Variants in INTS14 observed in about 807,000 individuals in gnomAD.
INTS14 encodes UPF0464 protein C15orf44.
A neutral mutation model predicts 56.9 loss-of-function variants in INTS14; 27 were observed. That is an observed-to-expected ratio of 0.47 (90% CI 0.35 to 0.65). The LOEUF (loss-of-function observed/expected upper bound fraction) is 0.65, where lower values mean the gene tolerates loss of function less well. Among genes scored for constraint, INTS14 ranks in the 30% least tolerant of loss-of-function variants. INTS14 has a pLI of 0.00. For synonymous variants in INTS14, 207 were observed against 236.2 expected (o/e 0.88, Z 1.13); for missense variants, 517 against 632.2 (o/e 0.82, Z 1.95).
chr15:65,583,742 A>T (rs2072715141), intron 10 of INTS14, among the ~76,000 whole-genome samples: 2 of 152,208 alleles, frequency 1.3e-5, no homozygotes, highest in Non-Finnish European at 2.9e-5. Flanking sequence ...AACAAAAAAA[A>T]TTAAAAAAAA....
chr15:65,598,568 A>G (rs1231733626), intron 5 of INTS14, 105 bp from the exon 6 acceptor site: 3 of 1,186,116 alleles, frequency 2.5e-6, no homozygotes, highest in Non-Finnish European at 3.5e-6. Flanking sequence ...TTCCAAAACT[A>G]AGATCTGACC....
chr15:65,598,536 G>C, intron 5 of INTS14, 73 bp from the exon 6 acceptor site: 1 of 1,453,332 alleles, frequency 6.9e-7, no homozygotes, highest in Non-Finnish European at 9.3e-7. Flanking sequence ...AGGACGCAAG[G>C]GTTGTTTTCC....
chr15:65,596,238 C>T (rs2073207286), intron 6 of INTS14, among the ~76,000 whole-genome samples: 1 of 152,156 alleles, frequency 6.6e-6, no homozygotes, highest in Non-Finnish European at 1.5e-5. Flanking sequence ...TGAGAAAGAA[C>T]TGTATTCTCT....
chr15:65,591,810 T>C lies in INTS14; in HGVS notation c.987-79A>G, dbSNP rs74021144. 4.9e-5 allele frequency: 74 copies of C among 1,501,914 alleles called. 1 individual carries two copies. In the Middle Eastern group the frequency reaches 7.1e-4, roughly 14 times the overall value. 93.0% of individuals were successfully genotyped at this position (1,501,914 alleles called of 1,614,324 possible). On this transcript the variant is annotated intron_variant, in intron 8 of 11. Coordinates refer to ENST00000313182, the MANE Select transcript of INTS14 (RefSeq NM_001394796.1). Reference sequence around the variant, plus strand: ...GTTAAATAAGTCTAGCCTGTATTTTTCTCTTGAGAGACACAGGCTTCAGCT... The same window carrying C: ...GTTAAATAAGTCTAGCCTGTATTTTCCTCTTGAGAGACACAGGCTTCAGCT...
chr15:65,599,726 G>C, intron 4 of INTS14, 48 bp downstream of exon 4: 1 of 1,593,674 alleles, frequency 6.3e-7, no homozygotes, highest in Non-Finnish European at 8.6e-7. Flanking sequence ...AATAAACTAA[G>C]CTGTAAAATA....
intron 9 of INTS14, among the ~76,000 whole-genome samples, chr15:65,587,246 T>C (rs1162565654): frequency 6.6e-6 from 1 of 151,768 alleles, no homozygotes; most frequent in African/African-American, 2.4e-5. Context: ...GAACAGGAGA[T>C]CCATAGGAGA....
At chr15:65,591,776 G>T in intron 8 of INTS14, 45 bp from the exon 9 acceptor site, 1 of 1,601,922 alleles carries the variant, frequency 6.2e-7, no homozygotes, top group Non-Finnish European at 8.5e-7. Context: ...TCAAGCCTGA[G>T]ACTGTCAAGT....
At chr15:65,584,253 C>T (rs2072736921) in intron 10 of INTS14, among the ~76,000 whole-genome samples, 1 of 152,084 alleles carries the variant, frequency 6.6e-6, no homozygotes, top group African/African-American at 2.4e-5. Flanking sequence ...AAATGTAATG[C>T]TATGGCTTGA....
chr15:65,598,909 C>T lies in INTS14; in HGVS notation c.568G>A (p.Gly190Ser). ...NGEGQIFTIDGPLCLKNVQSM... is the reference protein window; with the variant it reads ...NGEGQIFTIDSPLCLKNVQSM... ...TGTACATTCTTCAAGCACAGGGGGCCATCAATAGTAAAAATCTGCCCTTCA... is the reference window on the plus strand; with the variant it reads ...TGTACATTCTTCAAGCACAGGGGGCTATCAATAGTAAAAATCTGCCCTTCA... The change falls in exon 5 of 12, where the codon GGC becomes AGC. Residue 190 changes from glycine to serine, a missense_variant. Coordinates refer to ENST00000313182, the MANE Select transcript of INTS14 (RefSeq NM_001394796.1). 1 of 1,613,916 alleles carries T rather than the reference C, an allele frequency of 6.2e-7. No individual in the cohort carries two copies. Among genetic ancestry groups the T allele is most frequent in the Non-Finnish European group, 8.5e-7 (1 of 1,179,902 alleles).
intron 9 of INTS14, among the ~76,000 whole-genome samples, chr15:65,585,096 T>C (rs2072769122): frequency 6.6e-6 from 1 of 152,146 alleles, no homozygotes; most frequent in African/African-American, 2.4e-5. Context: ...GAAAAACAGC[T>C]TAATGTTTTT....
intron 3 of INTS14, among the ~76,000 whole-genome samples, chr15:65,602,328 C>G (rs2141312382): frequency 6.7e-6 from 1 of 150,042 alleles, no homozygotes; most frequent in South Asian, 2.1e-4. Context: ...CTCTGTTGCC[C>G]AGACTGGAGT....
intron 1 of INTS14, among the ~76,000 whole-genome samples, chr15:65,609,045 G>A (rs1194960253): frequency 1.3e-5 from 2 of 152,138 alleles, no homozygotes; most frequent in Non-Finnish European, 2.9e-5. Flanking sequence ...CTACAGGCGC[G>A]AGTAGCCAGG....
intron 6 of INTS14, among the ~76,000 whole-genome samples, chr15:65,597,774 T>C (rs1040657629): frequency 6.6e-6 from 1 of 152,200 alleles, no homozygotes; most frequent in African/African-American, 2.4e-5. Context: ...AAGTTCAGTA[T>C]GTCTATTAAG....
At chr15:65,588,863 C>T (rs904176845) in intron 9 of INTS14, among the ~76,000 whole-genome samples, 4 of 152,038 alleles carry the variant, frequency 2.6e-5, no homozygotes, top group African/African-American at 9.7e-5. Flanking sequence ...ATTCCAATTC[C>T]AAGACTGCTG....
At chr15:65,608,699 T>C (rs2073745792) in intron 1 of INTS14, among the ~76,000 whole-genome samples, 1 of 152,238 alleles carries the variant, frequency 6.6e-6, no homozygotes, top group Admixed American at 6.5e-5. Context: ...AGAACTGTAT[T>C]ATACACTGCT....
chr15:65,588,078 A>G (rs2072892695), intron 9 of INTS14, among the ~76,000 whole-genome samples: 1 of 151,982 alleles, frequency 6.6e-6, no homozygotes, highest in South Asian at 2.1e-4. Context: ...ACTTGAGGTC[A>G]GGAGTTTTGA....
In INTS14 at chr15:65,611,107, A is replaced by C; in HGVS notation, c.-72T>G. The stretch of plus-strand genomic sequence containing the variant: ...CGGCCTCCCCACTCACCCCGTGCCC[A>C]TCGCCGGACACAGTCCGTCGGCATA... On this transcript the variant is annotated 5_prime_UTR_variant, in exon 1 of 12. An upstream start codon of the reference 5' UTR is lost. Coordinates refer to ENST00000313182, the MANE Select transcript of INTS14 (RefSeq NM_001394796.1). 2.0e-6 allele frequency: 3 copies of C among 1,535,408 alleles called. No homozygotes were observed. Among genetic ancestry groups the C allele is most frequent in the Non-Finnish European group, 2.6e-6 (3 of 1,146,516 alleles).
At chr15:65,598,106 C>T (rs1313932274) in intron 6 of INTS14, among the ~76,000 whole-genome samples, 1 of 152,146 alleles carries the variant, frequency 6.6e-6, no homozygotes, top group Non-Finnish European at 1.5e-5. Flanking sequence ...TAAGGATGCT[C>T]AATCACTAAG....
chr15:65,605,060 G>T, intron 3 of INTS14, 69 bp downstream of exon 3: 1 of 1,140,528 alleles, frequency 8.8e-7, no homozygotes, highest in Non-Finnish European at 1.3e-6. Context: ...GTCAGAGCCT[G>T]AAGAAAATCG....
Sources: gnomAD v4.1 joint callset for allele counts (sites outside exome capture counted in the v4.1 genomes callset) on GRCh38, gnomAD v4.1.1 for gene constraint, MANE v1.5 for transcripts, NCBI Gene and HGNC (gene_info 2026-07-23, HGNC 2026-07-21) for gene names.